The following CDH3 variants were observed in gnomAD, a reference collection of about 807,000 sequenced individuals.
CDH3 encodes cadherin-3.
A neutral mutation model predicts 82.0 loss-of-function variants in CDH3; 54 were observed. The observed-to-expected ratio is 0.66, with a 90% confidence interval of 0.53 to 0.83. The LOEUF is 0.83. Ranked by LOEUF, CDH3 falls within the 40% of genes least tolerant of loss-of-function variation. The pLI is 0.00. For synonymous variants in CDH3, 446 were observed against 437.9 expected (o/e 1.02, Z -0.23); for missense variants, 1,054 against 1,084.6 (o/e 0.97, Z 0.40).
At chr16:68,676,855 C>T (rs1311966337) in intron 3 of CDH3, among the ~76,000 whole-genome samples, 2 of 152,178 alleles carry the variant, frequency 1.3e-5, no homozygotes, top group East Asian at 1.9e-4. Flanking sequence ...GAAGATACAT[C>T]TGGGGTGCTT....
At chr16:68,724,825 A>G (rs1047293612) in intron 2 of CDH3, among the ~76,000 whole-genome samples, 2 of 152,192 alleles carry the variant, frequency 1.3e-5, no homozygotes, top group Non-Finnish European at 2.9e-5. Context: ...TTTTAATGAC[A>G]GCAGGTAAAA....
At chr16:68,709,239 C>G (rs1226254395) in intron 1 of CDH3, among the ~76,000 whole-genome samples, 3 of 152,110 alleles carry the variant, frequency 2.0e-5, no homozygotes, top group Non-Finnish European at 4.4e-5. Context: ...CCACCCCCAG[C>G]TGATTTTTTG....
At chr16:68,683,992 G>A (rs890681541) in intron 9 of CDH3, among the ~76,000 whole-genome samples, 4 of 151,446 alleles carry the variant, frequency 2.6e-5, no homozygotes, top group Admixed American at 6.6e-5. Flanking sequence ...GCTTGATCTC[G>A]GGAGGCGGAG....
chr16:68,678,632 C>G lies in CDH3; in HGVS notation c.522C>G (p.Asp174Glu). 1 of 1,614,176 alleles carries G rather than the reference C, an allele frequency of 6.2e-7. No individual in the cohort carries two copies. The change falls in exon 5 of 16, where the codon GAC becomes GAG. Residue 174 changes from aspartate to glutamate, a missense_variant. Coordinates refer to ENST00000264012, the MANE Select transcript of CDH3 (RefSeq NM_001793.6). ...TGWLLLNKPLDREEIAKYELF... is the reference protein window; with the variant it reads ...TGWLLLNKPLEREEIAKYELF... ...GGTTGTTGTTGAATAAGCCACTGGA[C>G]CGGGAGGAGATTGCCAAGTATGAGG...
chr16:68,717,149 A>G (rs1962104957), intron 1 of CDH3, among the ~76,000 whole-genome samples: 1 of 152,132 alleles, frequency 6.6e-6, no homozygotes, highest in Admixed American at 6.6e-5. Flanking sequence ...ATTTTTGCTT[A>G]TCTGCATTTA....
In CDH3 at chr16:68,693,284, G is replaced by A. The variant is rs111804654; in HGVS notation, c.2002+1358G>A. 2.6e-4 allele frequency among the ~76,000 whole-genome samples: 39 copies of A among 152,218 alleles called. 1 individual carries two copies. The highest frequency in any genetic ancestry group is 8.9e-4 in the African/African-American group (37 of 41,552). On this transcript the variant is annotated intron_variant, in intron 13 of 15. Transcript: ENST00000264012. ...TTAAGTTTTGCAAGATTCCTGCTGA[G>A]CAGACTATATGGGGGCGAAGGTGGA...
chr16:68,652,120 A>T (rs1960267673), intron 2 of CDH3, among the ~76,000 whole-genome samples: 1 of 152,198 alleles, frequency 6.6e-6, no homozygotes, highest in Admixed American at 6.5e-5. Flanking sequence ...CTGGTGCAAC[A>T]AACAGAAGGC....
Position 68,672,774 on chromosome 16 carries a change from G to T in CDH3, c.161-3611G>T, listed in dbSNP as rs142663302. On this transcript the variant is annotated intron_variant, in intron 2 of 15. Transcript: ENST00000264012. Reference sequence around the variant, plus strand: ...CCCACAGAGGATCCTTCTGTGTGTGGTAAGCTTTTGGGCTCTGAGGCAGCT... The same window carrying T: ...CCCACAGAGGATCCTTCTGTGTGTGTTAAGCTTTTGGGCTCTGAGGCAGCT... Among the ~76,000 whole-genome samples the T allele has an allele frequency of 8.7e-3, 1,330 of 152,260 alleles. 18 individuals are homozygous for T. Among genetic ancestry groups the T allele is most frequent in the African/African-American group, 0.03 (1,252 of 41,534 alleles).
intron 2 of CDH3, among the ~76,000 whole-genome samples, chr16:68,666,339 C>T (rs1042567615): frequency 2.6e-5 from 4 of 152,154 alleles, no homozygotes. Context: ...CTGCTTACAG[C>T]TCTGGGGAAA....
At chr16:68,651,648 A>G (rs1007155077) in intron 2 of CDH3, 1 of 509,534 alleles carries the variant, frequency 2.0e-6, no homozygotes, top group East Asian at 4.7e-5. Context: ...AAACAGGTCC[A>G]TGGGGTTCAT....
chr16:68,680,893 A>G (rs938055676), intron 7 of CDH3, 75 bp from the exon 8 acceptor site: 47 of 1,543,264 alleles, frequency 3.0e-5, no homozygotes, highest in South Asian at 2.1e-4. Context: ...CCCATGAGCC[A>G]GTGCTTCCTG....
At chr16:68,695,723 G>T in intron 14 of CDH3, 54 bp from the exon 15 acceptor site, 1 of 1,600,082 alleles carries the variant, frequency 6.2e-7, no homozygotes, top group Non-Finnish European at 8.6e-7. Context: ...GTAAGTGGCA[G>T]GGGAGTGGGG....
intron 2 of CDH3, among the ~76,000 whole-genome samples, chr16:68,669,852 C>G (rs889790068): frequency 6.6e-6 from 1 of 152,100 alleles, no homozygotes; most frequent in African/African-American, 2.4e-5. Context: ...GGCACAGTGG[C>G]TCATGCCTGT....
intron 1 of CDH3, among the ~76,000 whole-genome samples, chr16:68,715,780 C>T (rs1026441454): frequency 6.6e-6 from 1 of 152,216 alleles, no homozygotes; most frequent in Non-Finnish European, 1.5e-5. Context: ...AAAGACCTCA[C>T]AGTACCAGGC....
At chr16:68,650,232 C>T (rs1389670657) in intron 2 of CDH3, among the ~76,000 whole-genome samples, 1 of 152,120 alleles carries the variant, frequency 6.6e-6, no homozygotes, top group East Asian at 1.9e-4. Flanking sequence ...TGGTCAGGTC[C>T]CCTCTCCTAG....
In CDH3 at chr16:68,686,388, C is replaced by G; in HGVS notation, c.1570+1038C>G. On this transcript the variant is annotated intron_variant, in intron 11 of 15. Transcript: ENST00000264012. ...TGAGGTGGAGGGAGTCATGGCAGGA[C>G]AAGCATTTAGAAAGTTTCTTCCACT... is the stretch of plus-strand genomic sequence containing the variant. 3.1e-6 allele frequency: 4 copies of G among 1,282,442 alleles called. No individual in the cohort carries two copies. In the Admixed American group the frequency reaches 5.1e-5, roughly 16 times the overall value. 79.4% of individuals were successfully genotyped at this position (1,282,442 alleles called of 1,614,324 possible). A position where few individuals can be genotyped will look rare whatever the true frequency, so the allele number is the denominator to read the frequency against.
chr16:68,705,788 G>A (rs534856151), intron 1 of CDH3, among the ~76,000 whole-genome samples: 3 of 151,340 alleles, frequency 2.0e-5, no homozygotes, highest in Admixed American at 6.6e-5. Context: ...CCAGTGAGCC[G>A]GGCGCGGTGG....
At chr16:68,721,359 G>A (rs1284834618) in intron 1 of CDH3, among the ~76,000 whole-genome samples, 5 of 148,370 alleles carry the variant, frequency 3.4e-5, no homozygotes, top group African/African-American at 7.5e-5. Context: ...TCAGCCTCCC[G>A]AGTTGCTGAG....
chr16:68,645,399 C>A lies in CDH3; in HGVS notation c.20C>A (p.Pro7His). ...GCAGCCATGGGGCTCCCTCGTGGAC[C>A]TCTCGCGTCTCTCCTCCTTCTCCAG... MGLPRG[P>H]LASLLLLQVC... Residue 7 changes from proline (P) to histidine (H), a missense_variant, in exon 1 of 16, where the codon CCT becomes CAT. By Grantham distance (77) the Pro-to-His change is moderately conservative. Coordinates refer to ENST00000264012, the MANE Select transcript of CDH3 (RefSeq NM_001793.6). The A allele has an allele frequency of 6.2e-7, 1 of 1,613,512 alleles. No homozygotes were observed. The highest frequency in any genetic ancestry group is 8.5e-7 in the Non-Finnish European group (1 of 1,179,798).
Sources: allele counts gnomAD v4.1 joint callset (sites outside exome capture counted in the v4.1 genomes callset), GRCh38; gene constraint gnomAD v4.1.1; transcripts MANE v1.5; gene names NCBI Gene and HGNC (gene_info 2026-07-23, HGNC 2026-07-21).